Variants in NSF observed in about 807,000 individuals in gnomAD.
NSF encodes N-ethylmaleimide sensitive factor, vesicle fusing ATPase, also known as vesicle-fusing ATPase.
A neutral mutation model predicts 50.3 loss-of-function variants in NSF; 14 were observed. The observed-to-expected ratio is 0.28, with a 90% CI of 0.18 to 0.44. NSF has a LOEUF of 0.44. Ranked by LOEUF, NSF falls within the 20% of genes least tolerant of loss-of-function variation. NSF has a pLI of 1.00. For synonymous variants in NSF, 109 were observed against 175.7 expected, an observed-to-expected ratio of 0.62 and a Z score of 3.00; for missense variants, 218 against 504.3, an observed-to-expected ratio of 0.43 and a Z score of 5.44.
At chr17:46,697,155 A>C (rs1028948997) in intron 12 of NSF, among the ~76,000 whole-genome samples, 7 of 147,378 alleles carry the variant, frequency 4.7e-5, no homozygotes, top group Non-Finnish European at 8.9e-5. Context: ...AGAGTCTCCC[A>C]TAGTACCCCA....
rs186230626 is a variant in NSF at position 46,667,466 on chromosome 17, T to C, written c.746-6948T>C. Among the ~76,000 whole-genome samples, 555 of 144,718 alleles carry C rather than the reference T, an allele frequency of 3.8e-3. 23 individuals are homozygous for C. Among genetic ancestry groups the C allele is most frequent in the African/African-American group, 0.013 (527 of 40,390 alleles). 94.9% of individuals were successfully genotyped at this position (144,718 alleles called of 152,430 possible). ...CGATGTCAGGTTTGATTTTCTTTTT[T>C]TTTTTTTTTTAAGAAATCTTTACCT... On this transcript the variant is annotated intron_variant, in intron 8 of 20. Transcript: ENST00000398238.
chr17:46,708,832 T>A lies in NSF; in HGVS notation c.1471-2131T>A, dbSNP rs376545342. ...TATATATATATATATATTTTTTTTT[T>A]TTTTTTTTTTTGAGACTGAGTCTTG... On this transcript the variant is annotated intron_variant, in intron 13 of 20. Coordinates refer to ENST00000398238, the MANE Select transcript of NSF (RefSeq NM_006178.4). 7.4e-5 allele frequency among the ~76,000 whole-genome samples: 10 copies of A among 134,366 alleles called. No individual in the cohort carries two copies. In the South Asian group the frequency reaches 1.1e-3, roughly 14 times the overall value. The allele number at this position is 134,366 out of a possible 152,430, so 88.1% of individuals were successfully genotyped here. A position where few individuals can be genotyped will look rare whatever the true frequency, so the allele number is the denominator to read the frequency against.
intron 15 of NSF, among the ~76,000 whole-genome samples, chr17:46,725,232 ACAT>A (rs1220495164): frequency 1.3e-5 from 2 of 152,220 alleles, no homozygotes; most frequent in African/African-American, 4.8e-5. Context: ...TACAGAGCAG[ACAT>A]CATTACTGAA....
rs914870207 is a variant in NSF at position 46,735,346 on chromosome 17, T to C, written c.1908+6412T>C. Among the ~76,000 whole-genome samples the C allele has an allele frequency of 2.6e-5, 4 of 152,128 alleles. No individual in the cohort carries two copies. The East Asian group carries it at 5.8e-4, about 22-fold the overall frequency. ...ATCCATTGCCTTAAATAAGTTACTGTGGCATTACATTAGCTTTTGAAAGGT... is the reference window on the plus strand; with the variant it reads ...ATCCATTGCCTTAAATAAGTTACTGCGGCATTACATTAGCTTTTGAAAGGT... On this transcript the variant is annotated intron_variant, in intron 17 of 20. Coordinates refer to ENST00000398238, the MANE Select transcript of NSF (RefSeq NM_006178.4).
chr17:46,749,358 C>T (rs543042424), intron 17 of NSF, among the ~76,000 whole-genome samples: 2 of 152,310 alleles, frequency 1.3e-5, no homozygotes, highest in African/African-American at 4.8e-5. Flanking sequence ...TTACCCTGCT[C>T]CTTCTAAAAA....
intron 15 of NSF, among the ~76,000 whole-genome samples, chr17:46,717,357 A>C (rs1363762558): frequency 6.6e-6 from 1 of 152,202 alleles, no homozygotes; most frequent in Non-Finnish European, 1.5e-5. Flanking sequence ...AGTGGTAACA[A>C]AAATACCATT....
chr17:46,741,085 C>T (rs2059066245), intron 17 of NSF, among the ~76,000 whole-genome samples: 1 of 152,122 alleles, frequency 6.6e-6, no homozygotes, highest in South Asian at 2.1e-4. Context: ...CAAATAAAAA[C>T]AGTAGACAGC....
At chr17:46,749,665 C>T in intron 17 of NSF, 108 bp from the exon 18 acceptor site, 1 of 1,049,102 alleles carries the variant, frequency 9.5e-7, no homozygotes, top group Non-Finnish European at 1.3e-6. Flanking sequence ...TAATCATTTG[C>T]ATCGGCAAGA....
intron 20 of NSF, 93 bp downstream of exon 20, chr17:46,755,462 T>C: frequency 9.3e-7 from 1 of 1,080,834 alleles, no homozygotes. Flanking sequence ...CTAGATAAGT[T>C]TGTTTCCATT....
At chr17:46,708,732 G>A (rs1028104413) in intron 13 of NSF, among the ~76,000 whole-genome samples, 12 of 147,142 alleles carry the variant, frequency 8.2e-5, no homozygotes, top group Admixed American at 2.0e-4. Flanking sequence ...GACCTCAAGC[G>A]ATCCACCTAC....
At chr17:46,746,627 T>C (rs2059131746) in intron 17 of NSF, among the ~76,000 whole-genome samples, 1 of 152,168 alleles carries the variant, frequency 6.6e-6, no homozygotes, top group Non-Finnish European at 1.5e-5. Context: ...TAAAACTTAT[T>C]CCTTTTTCAT....
Position 46,755,359 on chromosome 17 carries a change from G to T in NSF, c.2203G>T (p.Glu735Ter). 1.2e-6 allele frequency: 2 copies of T among 1,613,364 alleles called. No individual in the cohort carries two copies. Among genetic ancestry groups the T allele is most frequent in the Non-Finnish European group, 1.7e-6 (2 of 1,179,232 alleles). The stretch of plus-strand genomic sequence containing the variant: ...GAGAAAATTCTTGGCCCTCTTAAGA[G>T]AAGAAGGAGCGTAAGTACATACAAC... Reference protein sequence around the residue: ...RVRKFLALLREEGASPLDFD With the variant: ...RVRKFLALLR Residue 735 changes from glutamate (E) to a stop codon, truncating the protein, a stop_gained, in exon 20 of 21, where the codon GAA becomes TAA. Coordinates refer to ENST00000398238, the MANE Select transcript of NSF (RefSeq NM_006178.4). LOFTEE classifies it high-confidence loss of function.
chr17:46,666,111 G>C (rs1431814199), intron 8 of NSF, among the ~76,000 whole-genome samples: 2 of 151,260 alleles, frequency 1.3e-5, no homozygotes, highest in African/African-American at 4.9e-5. Context: ...GGCGATGAGA[G>C]TAGTTGCAAT....
At chr17:46,721,668 C>T in intron 15 of NSF, 1 of 1,603,022 alleles carries the variant, frequency 6.2e-7, no homozygotes, top group Non-Finnish European at 8.5e-7. Flanking sequence ...ACCTTGTGTT[C>T]CACATTGTTC....
intron 8 of NSF, among the ~76,000 whole-genome samples, chr17:46,671,881 G>C (rs1445741277): frequency 2.8e-5 from 4 of 144,426 alleles, no homozygotes; most frequent in Non-Finnish European, 6.3e-5. Context: ...TCTCAGTCTT[G>C]CAAATGTATT....
At chr17:46,728,601 A>T (rs1274145052) in intron 16 of NSF, among the ~76,000 whole-genome samples, 1 of 152,110 alleles carries the variant, frequency 6.6e-6, no homozygotes, top group African/African-American at 2.4e-5. Flanking sequence ...CTGTCTCAAA[A>T]AAAAAGTTAC....
In NSF at chr17:46,756,821, G is replaced by A. The variant is rs1319878449; in HGVS notation, c.*998G>A. On this transcript the variant is annotated 3_prime_UTR_variant, in exon 21 of 21. Coordinates refer to ENST00000398238, the MANE Select transcript of NSF (RefSeq NM_006178.4). ...AATCATTTTCTAGCCCTCTCCCTCA[G>A]TCCTTTATTGTCCATTCCAATACAT... 6.6e-6 allele frequency: 1 copy of A among 152,506 alleles called. No individual in the cohort carries two copies. The highest frequency in any genetic ancestry group is 1.9e-4 in the East Asian group (1 of 5,200). The allele number at this position is 152,506 out of a possible 1,614,324, so 9.4% of individuals were successfully genotyped here. A position where few individuals can be genotyped will look rare whatever the true frequency, so the allele number is the denominator to read the frequency against.
intron 19 of NSF, among the ~76,000 whole-genome samples, chr17:46,752,772 C>T (rs1242654838): frequency 6.6e-6 from 1 of 150,924 alleles, no homozygotes; most frequent in African/African-American, 2.4e-5. Context: ...AACTTTTTTT[C>T]TTTTTTTTTC....
At chr17:46,739,200 G>A (rs945674753) in intron 17 of NSF, among the ~76,000 whole-genome samples, 8 of 151,764 alleles carry the variant, frequency 5.3e-5, no homozygotes, top group African/African-American at 1.7e-4. Context: ...TGAAACCCCC[G>A]CCTCTACTAA....
Sources: allele counts gnomAD v4.1 joint callset (sites outside exome capture counted in the v4.1 genomes callset), GRCh38; gene constraint gnomAD v4.1.1; transcripts MANE v1.5; gene names NCBI Gene and HGNC (gene_info 2026-07-23, HGNC 2026-07-21).